The following LHFPL6 variants were observed in gnomAD, a reference collection of about 807,000 sequenced individuals.
The protein encoded by LHFPL6 is LHFPL tetraspan subfamily member 6 protein.
A neutral mutation model predicts 20.6 loss-of-function variants in LHFPL6; 9 were observed. That is an observed-to-expected ratio of 0.44 (90% CI 0.26 to 0.76). LHFPL6 has a LOEUF of 0.76. Ranked by LOEUF, LHFPL6 falls within the 30% of genes least tolerant of loss-of-function variation. LHFPL6 has a pLI of 0.20. For missense variants in LHFPL6, 218 were observed against 253.5 expected (o/e 0.86, Z 0.95); for synonymous variants, 105 against 98.7 (o/e 1.06, Z -0.38).
intron 2 of LHFPL6, among the ~76,000 whole-genome samples, chr13:39,584,240 A>T (rs1872375846): frequency 6.6e-6 from 1 of 152,110 alleles, no homozygotes; most frequent in Non-Finnish European, 1.5e-5. Context: ...TGAATAAGTG[A>T]ATAAAAACAA....
intron 2 of LHFPL6, among the ~76,000 whole-genome samples, chr13:39,541,904 A>G (rs974194179): frequency 6.6e-6 from 1 of 151,766 alleles, no homozygotes; most frequent in East Asian, 1.9e-4. Flanking sequence ...CCTGGCTAAC[A>G]CAGTGAAACC....
chr13:39,411,662 T>TA (rs1416742690), intron 2 of LHFPL6, among the ~76,000 whole-genome samples: 1 of 152,216 alleles, frequency 6.6e-6, no homozygotes, highest in Non-Finnish European at 1.5e-5. Flanking sequence ...GCGCTATGAT[T>TA]ACTGGGGCCT....
At position 39,478,595 on chromosome 13, in the gene LHFPL6, G is replaced by A. The variant is rs555777571; in HGVS notation, c.386-100069C>T. 2.0e-4 allele frequency among the ~76,000 whole-genome samples: 30 copies of A among 152,272 alleles called. 1 individual carries two copies. In the South Asian group the frequency reaches 6.2e-3, roughly 32 times the overall value. ...TGTATCTATGGGGCTGTTTCTGGATGAGATTAGCATTTGAATCAGTCAACT... is the reference window on the plus strand; with the variant it reads ...TGTATCTATGGGGCTGTTTCTGGATAAGATTAGCATTTGAATCAGTCAACT... On this transcript the variant is annotated intron_variant, in intron 2 of 3. Coordinates refer to ENST00000379589, the MANE Select transcript of LHFPL6 (RefSeq NM_005780.3).
At chr13:39,565,485 C>G (rs1005036090) in intron 2 of LHFPL6, among the ~76,000 whole-genome samples, 8 of 152,126 alleles carry the variant, frequency 5.3e-5, no homozygotes, top group African/African-American at 1.7e-4. Context: ...GTTGGCATAA[C>G]TATCAGACAG....
intron 3 of LHFPL6, among the ~76,000 whole-genome samples, chr13:39,372,893 G>A (rs1335960030): frequency 6.6e-6 from 1 of 152,086 alleles, no homozygotes; most frequent in Non-Finnish European, 1.5e-5. Flanking sequence ...CTGATACTTG[G>A]AATTAAAACC....
chr13:39,524,521 C>A (rs1870226302), intron 2 of LHFPL6, among the ~76,000 whole-genome samples: 1 of 152,198 alleles, frequency 6.6e-6, no homozygotes, highest in Non-Finnish European at 1.5e-5. Flanking sequence ...GAGAAGGGAA[C>A]AAGGTCTTGA....
intron 2 of LHFPL6, among the ~76,000 whole-genome samples, chr13:39,573,647 A>T (rs1394378297): frequency 2.6e-5 from 4 of 152,142 alleles, no homozygotes; most frequent in Non-Finnish European, 5.9e-5. Flanking sequence ...TTTTAATTAC[A>T]GTGTTATCTT....
At chr13:39,481,399 T>C (rs1471201573) in intron 2 of LHFPL6, among the ~76,000 whole-genome samples, 1 of 152,160 alleles carries the variant, frequency 6.6e-6, no homozygotes, top group Non-Finnish European at 1.5e-5. Context: ...TAATAAGATA[T>C]AATGATCAAA....
At chr13:39,468,186 ACCCAT>A (rs1474429361) in intron 2 of LHFPL6, among the ~76,000 whole-genome samples, 1 of 152,140 alleles carries the variant, frequency 6.6e-6, no homozygotes, top group African/African-American at 2.4e-5. Flanking sequence ...CATAATGTAA[ACCCAT>A]TGTGATCTGT....
intron 3 of LHFPL6, among the ~76,000 whole-genome samples, chr13:39,363,659 G>C (rs1869936571): frequency 6.6e-6 from 1 of 152,114 alleles, no homozygotes; most frequent in Non-Finnish European, 1.5e-5. Flanking sequence ...GTTCTCTTCA[G>C]TAGCTGAGTC....
intron 2 of LHFPL6, among the ~76,000 whole-genome samples, chr13:39,551,373 T>C (rs1871141768): frequency 6.6e-6 from 1 of 151,778 alleles, no homozygotes; most frequent in South Asian, 2.1e-4. Flanking sequence ...CCTGTGGTAA[T>C]GGCATTAATC....
intron 2 of LHFPL6, among the ~76,000 whole-genome samples, chr13:39,497,842 G>A (rs1869152057): frequency 6.6e-6 from 1 of 152,078 alleles, no homozygotes; most frequent in Admixed American, 6.5e-5. Flanking sequence ...AATTTCAGTA[G>A]CAATCTTTTT....
At chr13:39,569,169 G>GGACA (rs1871830572) in intron 2 of LHFPL6, among the ~76,000 whole-genome samples, 1 of 148,440 alleles carries the variant, frequency 6.7e-6, no homozygotes, top group South Asian at 2.1e-4. Context: ...ATGGATGGAT[G>GGACA]GATGGATGGA....
rs1272588075 is a variant in LHFPL6 at position 39,602,772 on chromosome 13, T to G, written c.-175+111A>C. The stretch of plus-strand genomic sequence containing the variant: ...GGCAGAGCCGACGGATCCGCCGAGC[T>G]CAGGAAGTCCGGAGCCCGGGAGCAG... On this transcript the variant is annotated intron_variant, in intron 1 of 3. Transcript: ENST00000379589. 2.0e-5 allele frequency: 3 copies of G among 152,182 alleles called. No homozygotes were observed. The East Asian group carries it at 5.8e-4, about 30-fold the overall frequency. The allele number at this position is 152,182 out of a possible 1,614,324, so 9.4% of individuals were successfully genotyped here. A position where few individuals can be genotyped will look rare whatever the true frequency, so the allele number is the denominator to read the frequency against.
intron 2 of LHFPL6, among the ~76,000 whole-genome samples, chr13:39,513,549 T>C (rs1041198400): frequency 1.3e-5 from 2 of 152,330 alleles, no homozygotes; most frequent in East Asian, 1.9e-4. Context: ...TAGAGGGTGC[T>C]TACTAATCTA....
intron 2 of LHFPL6, among the ~76,000 whole-genome samples, chr13:39,546,535 T>A (rs1252325328): frequency 6.6e-6 from 1 of 152,132 alleles, no homozygotes; most frequent in Non-Finnish European, 1.5e-5. Flanking sequence ...ACCTAGTGAA[T>A]CAGAAACTTT....
At chr13:39,493,451 T>C (rs1868998607) in intron 2 of LHFPL6, among the ~76,000 whole-genome samples, 1 of 152,204 alleles carries the variant, frequency 6.6e-6, no homozygotes, top group African/African-American at 2.4e-5. Context: ...TTATGTCACG[T>C]GAATTTTATA....
intron 2 of LHFPL6, among the ~76,000 whole-genome samples, chr13:39,510,470 C>A (rs922289128): frequency 6.6e-6 from 1 of 152,188 alleles, no homozygotes; most frequent in African/African-American, 2.4e-5. Flanking sequence ...AAGTCCAGAA[C>A]CAATTTTCTC....
At chr13:39,381,840 A>C (rs1370910778) in intron 2 of LHFPL6, among the ~76,000 whole-genome samples, 2 of 108,008 alleles carry the variant, frequency 1.9e-5, no homozygotes, top group South Asian at 6.7e-4. Context: ...AAAAAAAAAA[A>C]AAAAAGGAAA....
Sources: gnomAD v4.1 joint callset for allele counts (sites outside exome capture counted in the v4.1 genomes callset) on GRCh38, gnomAD v4.1.1 for gene constraint, MANE v1.5 for transcripts, NCBI Gene and HGNC (gene_info 2026-07-23, HGNC 2026-07-21) for gene names.